The following IGSF8 variants were observed in gnomAD, a reference collection of about 807,000 sequenced individuals.
The protein encoded by IGSF8 is immunoglobulin superfamily member 8, also known as CD81 partner 3.
IGSF8 carries 46 observed loss-of-function variants against 55.5 expected under a neutral mutation model. The observed-to-expected ratio is 0.83, with a 90% CI of 0.65 to 1.06. The LOEUF (loss-of-function observed/expected upper bound fraction) is 1.06. IGSF8 is among the 50% of genes least tolerant of loss of function. The pLI, the probability that IGSF8 is intolerant of heterozygous loss-of-function variation, is 0.00. For synonymous variants in IGSF8, 314 were observed against 356.1 expected (o/e 0.88, Z 1.33); for missense variants, 731 against 832.3 (o/e 0.88, Z 1.50).
At chr1:160,098,847 C>T (rs1209560726), upstream of IGSF8, 2 of 123,548 alleles carry the variant, frequency 1.6e-5, no homozygotes, top group African/African-American at 8.0e-5. Flanking sequence ...TGAGTCGCAT[C>T]GAGTCCCAGC....
rs1471438327 is a variant in IGSF8 at position 160,094,868 on chromosome 1, C to T, written c.442+1G>A. On this transcript the variant is annotated splice_donor_variant, in intron 2 of 6. Coordinates refer to ENST00000314485, the MANE Select transcript of IGSF8 (RefSeq NM_052868.6). LOFTEE classifies it high-confidence loss of function. The surrounding 1 kb of genome is among the most constrained non-coding windows in gnomAD (Gnocchi z 4.0). ...CTCCACCCCGTCCCAGGGCCCAGTA[C>T]CTCTCAGCTCCACCTTGCCGCTGTA... 6.2e-7 allele frequency: 1 copy of T among 1,610,506 alleles called. No homozygotes were observed. The highest frequency in any genetic ancestry group is 1.1e-5 in the South Asian group (1 of 90,724).
Position 160,093,135 on chromosome 1 carries a change from C to T in IGSF8, c.1101G>A (p.Val367=). The T allele has an allele frequency of 5.0e-6, 8 of 1,613,794 alleles. No homozygotes were observed. The highest frequency in any genetic ancestry group is 6.8e-6 in the Non-Finnish European group (8 of 1,179,820). ...RLVAQLDTEG[V]GSLGPGYEGR... ...CCTCATAGCCAGGGCCCAGGCTGCC[C>T]ACACCCTCTGTGTCCAGCTGGGCTA... The change falls in exon 4 of 7, where the codon GTG becomes GTA. Residue 367 remains valine (V), a synonymous_variant. Transcript: ENST00000314485.
rs1247245111 is a variant in IGSF8 at position 160,093,311 on chromosome 1, C to G, written c.925G>C (p.Val309Leu). The G allele has an allele frequency of 1.9e-6, 3 of 1,589,362 alleles. No homozygotes were observed. Among genetic ancestry groups the G allele is most frequent in the African/African-American group, 2.7e-5 (2 of 74,532 alleles). ...CCGATCCGACGTTCACCAGGCCCCA[C>G]TGTCACTGCCAGCTGGCTGGCTGAA... is the stretch of plus-strand genomic sequence containing the variant. Reference protein sequence around the residue: ...QTLSSQLAVTVGPGERRIGPG... With the variant: ...QTLSSQLAVTLGPGERRIGPG... Residue 309 changes from valine to leucine, a missense_variant, in exon 4 of 7, where the codon GTG becomes CTG. Val to Leu is a conservative substitution (Grantham distance 32). Coordinates refer to ENST00000314485, the MANE Select transcript of IGSF8 (RefSeq NM_052868.6).
chr1:160,094,195 G>A lies in IGSF8; in HGVS notation c.443-24C>T, dbSNP rs760593598. 4.0e-6 allele frequency: 6 copies of A among 1,481,532 alleles called. No individual in the cohort carries two copies. The highest frequency in any genetic ancestry group is 5.5e-6 in the Non-Finnish European group (6 of 1,089,224). The allele number at this position is 1,481,532 out of a possible 1,614,324, so 91.8% of individuals were successfully genotyped here. A position where few individuals can be genotyped will look rare whatever the true frequency, so the allele number is the denominator to read the frequency against. ...AACTGGAGAGAACAGCTGGAGTGAG[G>A]GAGGGCTGGGAGCTGGCAGCCCTTG... is the stretch of plus-strand genomic sequence containing the variant. On this transcript the variant is annotated intron_variant, in intron 2 of 6. Coordinates refer to ENST00000314485, the MANE Select transcript of IGSF8 (RefSeq NM_052868.6). The surrounding 1 kb of genome is among the most constrained non-coding windows in gnomAD (Gnocchi z 4.0).
At position 160,093,806 on chromosome 1, in the gene IGSF8, A is replaced by C; in HGVS notation, c.808T>G (p.Cys270Gly). The C allele has an allele frequency of 6.2e-7, 1 of 1,614,120 alleles. No homozygotes were observed. The highest frequency in any genetic ancestry group is 8.5e-7 in the Non-Finnish European group (1 of 1,179,970). ...AQAGDAGTYH[C>G]TAAEWIQDPD... is the part of the protein sequence containing the mutation. ...TCCTGAATCCACTCAGCGGCAGTGC[A>C]GTGGTAGGTGCCTGCGTCCCCTGCC... is the stretch of plus-strand genomic sequence containing the variant. Residue 270 changes from cysteine (C) to glycine (G), a missense_variant, in exon 3 of 7, where the codon TGC becomes GGC. Cys to Gly is a radical substitution (Grantham distance 159). Transcript: ENST00000314485.
At position 160,093,061 on chromosome 1, in the gene IGSF8, C is replaced by A. The variant is rs1458010184; in HGVS notation, c.1175G>T (p.Arg392Leu). The A allele has an allele frequency of 1.9e-6, 3 of 1,614,142 alleles. No homozygotes were observed. The highest frequency in any genetic ancestry group is 2.5e-6 in the Non-Finnish European group (3 of 1,179,996). ...ATCACCAGGCCTGGCAGCCTCTAGC[C>A]GTAGCCGGTATGTTCTGGATGCCAC... ...EKVASRTYRL[R>L]LEAARPGDAG... Residue 392 changes from arginine to leucine, a missense_variant, in exon 4 of 7, where the codon CGG becomes CTG. Physicochemically the swap from Arg to Leu is moderately radical, Grantham distance 102. Coordinates refer to ENST00000314485, the MANE Select transcript of IGSF8 (RefSeq NM_052868.6).
At position 160,092,983 on chromosome 1, in the gene IGSF8, C is replaced by T. The variant is rs146292693; in HGVS notation, c.1253G>A (p.Arg418Gln). 2.3e-5 allele frequency: 37 copies of T among 1,612,678 alleles called. No homozygotes were observed. The highest frequency in any genetic ancestry group is 4.0e-5 in the African/African-American group (3 of 74,896). ...ACGGGCACTGGCTGCTTCACGAAGC[C>T]GGGTCCCAGACCCTCGAACATAGGC... The part of the protein sequence containing the change: ...AKAYVRGSGT[R>Q]LREAASARSR... The change falls in exon 4 of 7, where the codon CGG becomes CAG. Residue 418 changes from arginine to glutamine, a missense_variant. Physicochemically the swap from Arg to Gln is conservative, Grantham distance 43. Transcript: ENST00000314485.
At chr1:160,091,781 C>A (rs753699634) in intron 6 of IGSF8, 27 bp downstream of exon 6, 2 of 1,460,742 alleles carry the variant, frequency 1.4e-6, no homozygotes, top group African/African-American at 2.8e-5. Context: ...CCAATGAAAA[C>A]AAGGTTGGGG....
rs758850100 is a variant in IGSF8 at position 160,092,389 on chromosome 1, C to T, written c.1619G>A (p.Gly540Asp). The T allele has an allele frequency of 1.2e-6, 2 of 1,611,022 alleles. No individual in the cohort carries two copies. The highest frequency in any genetic ancestry group is 1.7e-6 in the Non-Finnish European group (2 of 1,177,510). The change falls in exon 5 of 7, where the codon GGC (glycine) becomes GAC (aspartate). Residue 540 changes from glycine to aspartate, a missense_variant. Physicochemically the swap from Gly to Asp is moderately conservative, Grantham distance 94 (BLOSUM62 -1). Coordinates refer to ENST00000314485, the MANE Select transcript of IGSF8 (RefSeq NM_052868.6). ...RLHSLGPEDE[G>D]VYHCAPSAWV... ...GGCGCTGGGGGCACAGTGGTACACG[C>T]CTTCATCCTCGGGCCCCAAGCTGTG... is the stretch of plus-strand genomic sequence containing the variant.
chr1:160,093,247 CCT>C lies in IGSF8; in HGVS notation c.987_988del (p.Ala331ThrfsTer44), dbSNP rs1158746226. 3 of 1,613,896 alleles carry C rather than the reference CCT, an allele frequency of 1.9e-6. No homozygotes were observed. The highest frequency in any genetic ancestry group is 2.5e-6 in the Non-Finnish European group (3 of 1,179,922). ...ATGACGGCCTGCTGGGGGAAGTGCCCCTGACACATTGCACAGCAGTTCCAAGG... is the reference window on the plus strand; with the variant it reads ...ATGACGGCCTGCTGGGGGAAGTGCCCGACACATTGCACAGCAGTTCCAAGG... On this transcript the variant is annotated frameshift_variant, in exon 4 of 7. Transcript: ENST00000314485. LOFTEE classifies it high-confidence loss of function.
At position 160,093,034 on chromosome 1, in the gene IGSF8, G is replaced by A. The variant is rs752509612; in HGVS notation, c.1202C>T (p.Ala401Val). The A allele has an allele frequency of 1.1e-5, 18 of 1,614,110 alleles. No individual in the cohort carries two copies. The highest frequency in any genetic ancestry group is 1.4e-5 in the Non-Finnish European group (17 of 1,179,994). The part of the protein sequence containing the change: ...LRLEAARPGD[A>V]GTYRCLAKAY... ...TTTGGCGAGGCAGCGGTAGGTGCCC[G>A]CATCACCAGGCCTGGCAGCCTCTAG... The change falls in exon 4 of 7, where the codon GCG becomes GTG. Residue 401 changes from alanine to valine, a missense_variant. Transcript: ENST00000314485.
rs1649950453 is a variant in IGSF8 at position 160,091,533 on chromosome 1, GAC to G, written c.*89_*90del. ...GGTCAAATAAATTAAAGGAAGAGTG[GAC>G]AGAGGGAGAGGGTGTCCAGGCAACC... On this transcript the variant is annotated 3_prime_UTR_variant, in exon 7 of 7. Transcript: ENST00000314485. The G allele has an allele frequency of 2.4e-6, 1 of 410,328 alleles. No homozygotes were observed. The highest frequency in any genetic ancestry group is 3.7e-5 in the Admixed American group (1 of 26,700). 25.4% of individuals were successfully genotyped at this position (410,328 alleles called of 1,614,324 possible). A position where few individuals can be genotyped will look rare whatever the true frequency, so the allele number is the denominator to read the frequency against.
At position 160,098,554 on chromosome 1, in the gene IGSF8, T is replaced by C. The variant is rs546856770; in HGVS notation, c.-82A>G. 4 of 969,944 alleles carry C rather than the reference T, an allele frequency of 4.1e-6. No homozygotes were observed. In the South Asian group the frequency reaches 6.2e-5, roughly 15 times the overall value. The allele number at this position is 969,944 out of a possible 1,614,324, so 60.1% of individuals were successfully genotyped here. ...GAAGGGTGGGGGGCGCATGCCCAGG[T>C]TGAGGGCAGGAAGCGGGGCAGCGAG... On this transcript the variant is annotated 5_prime_UTR_variant, in exon 1 of 7. Transcript: ENST00000314485.
In IGSF8 at chr1:160,093,821, C is replaced by A; in HGVS notation, c.793G>T (p.Ala265Ser). The part of the protein sequence containing the change: ...MVVGGAQAGD[A>S]GTYHCTAAEW... The stretch of plus-strand genomic sequence containing the variant: ...GCGGCAGTGCAGTGGTAGGTGCCTG[C>A]GTCCCCTGCCTGGGCACCCCCTACT... The change falls in exon 3 of 7, where the codon GCA becomes TCA. Residue 265 changes from alanine to serine, a missense_variant. Ala to Ser is a moderately conservative substitution (Grantham distance 99). Transcript: ENST00000314485. 1 of 1,613,950 alleles carries A rather than the reference C, an allele frequency of 6.2e-7. No individual in the cohort carries two copies. The highest frequency in any genetic ancestry group is 8.5e-7 in the Non-Finnish European group (1 of 1,179,852).
intron 1 of IGSF8, 136 bp from the exon 2 acceptor site, chr1:160,095,382 G>A: frequency 3.4e-6 from 3 of 870,832 alleles, no homozygotes; most frequent in South Asian, 1.8e-5. Flanking sequence ...CTTGGACCCT[G>A]TTCTGAGAAT....
intron 4 of IGSF8, 108 bp from the exon 5 acceptor site, chr1:160,092,803 G>A (rs1274952860): frequency 6.7e-7 from 1 of 1,498,564 alleles, no homozygotes; most frequent in South Asian, 1.2e-5. Flanking sequence ...CACAATCTTG[G>A]TAGAAGAGGA....
chr1:160,092,844 G>C (rs1041624741), intron 4 of IGSF8, 80 bp downstream of exon 4: 1 of 1,505,612 alleles, frequency 6.6e-7, no homozygotes, highest in Non-Finnish European at 9.0e-7. Flanking sequence ...AACAGCTGAC[G>C]GAGAGGGAGG....
At chr1:160,095,433 G>A (rs1570963348) in intron 1 of IGSF8, 187 bp from the exon 2 acceptor site, 1 of 645,860 alleles carries the variant, frequency 1.5e-6, no homozygotes, top group Admixed American at 3.0e-5. Flanking sequence ...GGATCTCAAG[G>A]AGGTGGCATG....
At position 160,093,153 on chromosome 1, in the gene IGSF8, C is replaced by T; in HGVS notation, c.1083G>A (p.Gln361=). ...GAPGPGRLVA[Q]LDTEGVGSLG... is the part of the protein sequence containing the mutation. Reference sequence around the variant, plus strand: ...GGCTGCCCACACCCTCTGTGTCCAGCTGGGCTACCAGGCGGCCGGGCCCAG... The same window carrying T: ...GGCTGCCCACACCCTCTGTGTCCAGTTGGGCTACCAGGCGGCCGGGCCCAG... The change falls in exon 4 of 7, where the codon CAG becomes CAA. Residue 361 remains glutamine, a synonymous_variant. Transcript: ENST00000314485. The T allele has an allele frequency of 6.2e-7, 1 of 1,613,740 alleles. No homozygotes were observed. The highest frequency in any genetic ancestry group is 1.1e-5 in the South Asian group (1 of 91,028).
Sources: gnomAD v4.1 joint callset for allele counts on GRCh38, gnomAD v4.1.1 for gene constraint, Gnocchi (gnomAD v3.1) non-coding constraint, MANE v1.5 for transcripts, NCBI Gene and HGNC (gene_info 2026-07-23, HGNC 2026-07-21) for gene names.